Variants in MCC observed in about 807,000 individuals in gnomAD.
MCC encodes the protein MCC regulator of Wnt signaling pathway.
In MCC, 90 loss-of-function variants were observed where a neutral mutation model predicts 116.2. The ratio of observed to expected loss-of-function variants is 0.77; its 90% CI spans 0.65 to 0.92. MCC has a LOEUF of 0.92. Ranked by LOEUF, MCC falls within the 40% of genes least tolerant of loss-of-function variation. The pLI is 0.00. For missense variants in MCC, 1,516 were observed against 1,312.2 expected, an observed-to-expected ratio of 1.16 and a Z score of -2.40; for synonymous variants, 578 against 510.5, an observed-to-expected ratio of 1.13 and a Z score of -1.78.
chr5:113,375,748 A>G (rs1469110147), intron 2 of MCC, among the ~76,000 whole-genome samples: 1 of 152,180 alleles, frequency 6.6e-6, no homozygotes, highest in Non-Finnish European at 1.5e-5. Context: ...GGGGTGTTCC[A>G]AGACATGAAT....
intron 6 of MCC, among the ~76,000 whole-genome samples, chr5:113,117,413 G>A (rs535020335): frequency 1.2e-4 from 18 of 152,292 alleles, no homozygotes; most frequent in African/African-American, 4.3e-4. Context: ...AGAAAGCAAG[G>A]TATTCTATGC....
In MCC at chr5:113,455,568, A is replaced by C. The variant is rs1011255255; in HGVS notation, c.170+32677T>G. On this transcript the variant is annotated intron_variant, in intron 1 of 18. Transcript: ENST00000408903. ...TCTGAGATGGGACATACAAGTCTAA[A>C]GCCCTTTTCCAAATCTCTTGGGGAT... 2.6e-5 allele frequency among the ~76,000 whole-genome samples: 4 copies of C among 152,204 alleles called. No homozygotes were observed. In the South Asian group the frequency reaches 6.2e-4, roughly 24 times the overall value.
chr5:113,131,015 A>T (rs900334250), intron 5 of MCC, among the ~76,000 whole-genome samples: 3 of 152,086 alleles, frequency 2.0e-5, no homozygotes, highest in African/African-American at 7.2e-5. Context: ...TCAATATATG[A>T]ATTTGGGTAG....
intron 5 of MCC, among the ~76,000 whole-genome samples, chr5:113,126,582 TACAAAA>T (rs561499213): frequency 7.6e-4 from 116 of 152,254 alleles, no homozygotes; most frequent in African/African-American, 2.6e-3. Flanking sequence ...AGCCTAGAAA[TACAAAA>T]ACAAACTTTT....
intron 9 of MCC, among the ~76,000 whole-genome samples, chr5:113,084,904 T>C (rs1216807359): frequency 3.3e-5 from 5 of 152,220 alleles, no homozygotes; most frequent in Admixed American, 2.0e-4. Context: ...TCACTCTCCA[T>C]AATGACTTGT....
intron 1 of MCC, among the ~76,000 whole-genome samples, chr5:113,389,335 G>T (rs1347113128): frequency 6.6e-6 from 1 of 152,100 alleles, no homozygotes; most frequent in African/African-American, 2.4e-5. Flanking sequence ...CTATTTCCCT[G>T]CCCTTGAATC....
intron 3 of MCC, among the ~76,000 whole-genome samples, chr5:113,320,500 T>G (rs1767396850): frequency 6.7e-6 from 1 of 148,772 alleles, no homozygotes; most frequent in Non-Finnish European, 1.5e-5. Flanking sequence ...AGGAACACAG[T>G]ATTAACTGGC....
intron 2 of MCC, among the ~76,000 whole-genome samples, chr5:113,354,211 T>C (rs1325626989): frequency 6.6e-6 from 1 of 152,138 alleles, no homozygotes; most frequent in African/African-American, 2.4e-5. Flanking sequence ...ACACTGGCAA[T>C]TGAATGCTCT....
At chr5:113,132,091 T>TA (rs1477555212) in intron 5 of MCC, among the ~76,000 whole-genome samples, 33 of 152,140 alleles carry the variant, frequency 2.2e-4, no homozygotes, top group African/African-American at 7.2e-4. Flanking sequence ...AGCGTTTTTT[T>TA]AAATAACGAT....
intron 1 of MCC, among the ~76,000 whole-genome samples, chr5:113,456,313 T>A (rs1663635870): frequency 6.6e-6 from 1 of 152,216 alleles, no homozygotes; most frequent in Admixed American, 6.5e-5. Context: ...TCCTTTTATA[T>A]GGGTCGAGTA....
intron 14 of MCC, among the ~76,000 whole-genome samples, chr5:113,058,490 G>A (rs925685651): frequency 2.0e-5 from 3 of 152,166 alleles, no homozygotes; most frequent in Admixed American, 2.0e-4. Context: ...TCTGATGCAC[G>A]CTTAGGTGTG....
intron 17 of MCC, 126 bp downstream of exon 17, chr5:113,043,404 G>A (rs1751857397): frequency 1.2e-6 from 1 of 867,488 alleles, no homozygotes; most frequent in Non-Finnish European, 1.9e-6. Flanking sequence ...TCCATTTCTG[G>A]CTTCCAAGAC....
At chr5:113,216,201 A>G (rs1763309109) in intron 3 of MCC, among the ~76,000 whole-genome samples, 1 of 152,192 alleles carries the variant, frequency 6.6e-6, no homozygotes, top group Non-Finnish European at 1.5e-5. Flanking sequence ...AAAAACTGTA[A>G]TATTTTCTGC....
chr5:113,263,114 G>A (rs888551747), intron 3 of MCC, among the ~76,000 whole-genome samples: 1 of 152,202 alleles, frequency 6.6e-6, no homozygotes, highest in Non-Finnish European at 1.5e-5. Context: ...ACCTTATAGA[G>A]AGGGAACGTT....
At chr5:113,032,144 C>T (rs899032598) in intron 17 of MCC, among the ~76,000 whole-genome samples, 1 of 152,238 alleles carries the variant, frequency 6.6e-6, no homozygotes, top group Non-Finnish European at 1.5e-5. Context: ...GGCGCTGTGG[C>T]TCACGCCTGT....
intron 5 of MCC, among the ~76,000 whole-genome samples, chr5:113,127,933 T>C (rs1189526696): frequency 6.6e-6 from 1 of 152,242 alleles, no homozygotes; most frequent in Non-Finnish European, 1.5e-5. Context: ...CCATGCAGAA[T>C]GAAATTGCCT....
chr5:113,149,847 A>G (rs1398139551), intron 4 of MCC, among the ~76,000 whole-genome samples: 1 of 152,210 alleles, frequency 6.6e-6, no homozygotes, highest in Non-Finnish European at 1.5e-5. Context: ...GAGTGGCATC[A>G]GCTTGGGGAG....
In MCC at chr5:113,082,841, C is replaced by A. The variant is rs199873037; in HGVS notation, c.1784+19G>T. ...CCTCCTCCCTGCCCCACAATCAAAT[C>A]GATACGATCTCTCCTCACCTATTCA... On this transcript the variant is annotated intron_variant, in intron 11 of 18. Transcript: ENST00000408903. 1.2e-6 allele frequency: 2 copies of A among 1,610,966 alleles called. No homozygotes were observed. Among genetic ancestry groups the A allele is most frequent in the South Asian group, 1.1e-5 (1 of 90,242 alleles).
chr5:113,327,555 A>ATATATATATATATATAT (rs1295231073), intron 3 of MCC, among the ~76,000 whole-genome samples: 14 of 80,960 alleles, frequency 1.7e-4, no homozygotes, highest in Non-Finnish European at 2.1e-4. Flanking sequence ...CAAAAAAAAA[A>ATATATATATATATATAT]AAAAAAATAT....
Sources: gnomAD v4.1 joint callset for allele counts (sites outside exome capture counted in the v4.1 genomes callset) on GRCh38, gnomAD v4.1.1 for gene constraint, MANE v1.5 for transcripts, NCBI Gene and HGNC (gene_info 2026-07-23, HGNC 2026-07-21) for gene names.